ALG13: variants seen among roughly 807,000 people sequenced by gnomAD.
ALG13 encodes the protein UDP-N-acetylglucosamine transferase subunit ALG13.
A neutral mutation model predicts 87.8 loss-of-function variants in ALG13; 11 were observed. The ratio of observed to expected loss-of-function variants is 0.13; its 90% CI spans 0.08 to 0.21. The LOEUF (loss-of-function observed/expected upper bound fraction) is 0.21. Ranked by LOEUF, ALG13 falls within the 10% of genes least tolerant of loss-of-function variation. The pLI is 1.00. For missense variants in ALG13, 756 were observed against 866.1 expected (o/e 0.87, Z 1.60); for synonymous variants, 320 against 306.3 (o/e 1.04, Z -0.47).
chrX:111,727,041 A>G lies in ALG13; in HGVS notation c.1962A>G (p.Gly654=), dbSNP rs1431658779. The G allele has an allele frequency of 2.5e-6, 3 of 1,209,447 alleles. No individual in the cohort carries two copies. The highest frequency in any genetic ancestry group is 3.4e-6 in the Non-Finnish European group (3 of 894,944). ...PQHPSPRQGR[G]YGMPRNSSRF... is the part of the protein sequence containing the mutation. ...ATCCATCTCCGAGACAAGGTCGGGG[A>G]TATGGGATGCCCAGGTAAGACATTG... Residue 654 remains glycine (G), a synonymous_variant, in exon 16 of 27, where the codon GGA becomes GGG. Coordinates refer to ENST00000394780, the MANE Select transcript of ALG13 (RefSeq NM_001099922.3).
Position 111,728,170 on chromosome X carries a change from GTC to G in ALG13, c.2248-9_2248-8del, listed in dbSNP as rs746217514. ...ATAGTGAGAACTGCAGTGTGTGTGTGTCTCTCTGATACAGAATCATGGAGGTC... is the reference window on the plus strand; with the variant it reads ...ATAGTGAGAACTGCAGTGTGTGTGTGTCTCTGATACAGAATCATGGAGGTC... On this transcript the variant is annotated splice_polypyrimidine_tract_variant and intron_variant, in intron 18 of 26. Coordinates refer to ENST00000394780, the MANE Select transcript of ALG13 (RefSeq NM_001099922.3). The G allele has an allele frequency of 5.0e-6, 6 of 1,210,097 alleles. No homozygotes were observed. The highest frequency in any genetic ancestry group is 3.5e-5 in the South Asian group (2 of 56,871).
At chrX:111,712,640 C>T (rs1939970135) in intron 7 of ALG13, 110 bp downstream of exon 7, 1 of 389,765 alleles carries the variant, frequency 2.6e-6, no homozygotes, top group East Asian at 4.1e-5. Context: ...GTATTGATAC[C>T]TAGAATGAAG....
intron 3 of ALG13, among the ~76,000 whole-genome samples, chrX:111,687,006 G>A (rs955825336): frequency 8.9e-6 from 1 of 111,772 alleles, no homozygotes; most frequent in Non-Finnish European, 1.9e-5. Flanking sequence ...TGCCCAGGCT[G>A]GAGTGCAATG....
intron 25 of ALG13, among the ~76,000 whole-genome samples, chrX:111,756,171 A>G (rs1945233479): frequency 8.9e-6 from 1 of 111,983 alleles, no homozygotes; most frequent in South Asian, 3.7e-4. Flanking sequence ...ACAGAAAACC[A>G]AACACCGCAT....
At chrX:111,726,379 G>A (rs1028548770) in intron 15 of ALG13, among the ~76,000 whole-genome samples, 2 of 108,209 alleles carry the variant, frequency 1.8e-5, no homozygotes, top group African/African-American at 6.8e-5. Context: ...GATTACAGGC[G>A]CACGTTACCA....
At chrX:111,688,258 C>T in intron 3 of ALG13, 4 of 765,471 alleles carry the variant, frequency 5.2e-6, no homozygotes, top group Non-Finnish European at 6.2e-6. Flanking sequence ...CCTAGAATCT[C>T]AAGTGGAATT....
At chrX:111,687,555 T>C (rs1351591475) in intron 3 of ALG13, among the ~76,000 whole-genome samples, 2 of 112,266 alleles carry the variant, frequency 1.8e-5, no homozygotes, top group Non-Finnish European at 3.8e-5. Flanking sequence ...TCTGTTTTCA[T>C]GAATGAATTG....
Position 111,744,720 on chromosome X carries a change from C to T in ALG13, c.2748C>T (p.Ala916=). The T allele has an allele frequency of 8.6e-7, 1 of 1,160,946 alleles. No homozygotes were observed. Among genetic ancestry groups the T allele is most frequent in the African/African-American group, 1.8e-5 (1 of 55,126 alleles). ...ATTCTGCTATTCCTCATGCTGGTGC[C>T]TCTCTACCACCACCACCACCACCAC... is the stretch of plus-strand genomic sequence containing the variant. ...PCHSAIPHAG[A]SLPPPPPPPP... is the part of the protein sequence containing the mutation. Residue 916 remains alanine (A), a synonymous_variant, in exon 24 of 27, where the codon GCC becomes GCT. Coordinates refer to ENST00000394780, the MANE Select transcript of ALG13 (RefSeq NM_001099922.3).
At position 111,690,316 on chromosome X, in the gene ALG13, AAG is replaced by A. The variant is rs774290637; in HGVS notation, c.383+5218_383+5219del. On this transcript the variant is annotated intron_variant, in intron 3 of 26. Transcript: ENST00000394780. ...GAAATTTTCAGGGATAAGGAAATGA[AAG>A]AGAGTTTAGCATTGGGAAATTTGCA... The A allele has an allele frequency of 6.8e-3, 5,119 of 750,563 alleles. 15 individuals carry two copies. The highest frequency in any genetic ancestry group is 7.4e-3 in the Non-Finnish European group (4,730 of 637,257). 61.9% of individuals were successfully genotyped at this position (750,563 alleles called of 1,213,427 possible).
intron 8 of ALG13, 144 bp downstream of exon 8, chrX:111,713,441 T>C (rs1940111320): frequency 2.2e-6 from 1 of 458,650 alleles, no homozygotes. Flanking sequence ...TTTTCCTCTC[T>C]AGTCAGTTAA....
chrX:111,705,248 C>A (rs1366691974), intron 3 of ALG13, among the ~76,000 whole-genome samples: 3 of 111,756 alleles, frequency 2.7e-5, no homozygotes, highest in Non-Finnish European at 5.7e-5. Flanking sequence ...TTTTGAATAT[C>A]TTTTTATGTG....
intron 24 of ALG13, among the ~76,000 whole-genome samples, chrX:111,750,973 A>G (rs1465365855): frequency 9.1e-6 from 1 of 110,245 alleles, no homozygotes; most frequent in Non-Finnish European, 1.9e-5. Context: ...CCGGCCAGCA[A>G]TAACATATTT....
At chrX:111,688,672 C>T in intron 3 of ALG13, 1 of 751,844 alleles carries the variant, frequency 1.3e-6, no homozygotes, top group Non-Finnish European at 1.6e-6. Context: ...ATAGGACTTA[C>T]TATTGTTTTT....
chrX:111,711,744 G>T lies in ALG13; in HGVS notation c.885+19G>T. 2 of 1,185,894 alleles carry T rather than the reference G, an allele frequency of 1.7e-6. No individual in the cohort carries two copies. The highest frequency in any genetic ancestry group is 2.3e-6 in the Non-Finnish European group (2 of 877,571). On this transcript the variant is annotated intron_variant, in intron 6 of 26. Coordinates refer to ENST00000394780, the MANE Select transcript of ALG13 (RefSeq NM_001099922.3). ...TCCCAAGGTAAGATCAAATATGGGG[G>T]TTTAATCTTTTCAGAGTTATTTGGA...
rs767326994 is a variant in ALG13, at chrX:111,685,024, G to A, written c.304G>A (p.Glu102Lys). Residue 102 changes from glutamate (E) to lysine (K), a missense_variant, in exon 3 of 27, where the codon GAA (glutamate) becomes AAA (lysine). Glu to Lys is a moderately conservative substitution (Grantham distance 56). Coordinates refer to ENST00000394780, the MANE Select transcript of ALG13 (RefSeq NM_001099922.3). ...KGKPLVVVIN[E>K]KLMNNHQLEL... ...AAAGCCACTCGTAGTGGTTATAAAC[G>A]AAAAGTTGATGAACAATCATCAGCT... The A allele has an allele frequency of 3.3e-6, 4 of 1,209,058 alleles. No individual in the cohort carries two copies. Among genetic ancestry groups the A allele is most frequent in the African/African-American group, 1.7e-5 (1 of 57,196 alleles).
Position 111,735,100 on chromosome X carries a change from C to T in ALG13, c.2507C>T (p.Thr836Ile), listed in dbSNP as rs892500399. ...SCSMSPQDTV[T>I]SYNYPQKMMG... ...TCTATGTCTCCTCAGGACACAGTTA[C>T]CTCATACAACTACCCCCAGAAGGTA... is the stretch of plus-strand genomic sequence containing the variant. Residue 836 changes from threonine (T) to isoleucine (I), a missense_variant, in exon 22 of 27, where the codon ACC becomes ATC. Coordinates refer to ENST00000394780, the MANE Select transcript of ALG13 (RefSeq NM_001099922.3). 2.5e-5 allele frequency: 30 copies of T among 1,183,766 alleles called. No homozygotes were observed. The highest frequency in any genetic ancestry group is 3.3e-5 in the Non-Finnish European group (29 of 872,788).
At position 111,707,951 on chromosome X, in the gene ALG13, C is replaced by T. The variant is rs1019026785; in HGVS notation, c.384-76C>T. The T allele has an allele frequency of 3.4e-5, 35 of 1,034,967 alleles. No individual in the cohort carries two copies. In the East Asian group the frequency reaches 1.1e-3, roughly 32 times the overall value. The allele number at this position is 1,034,967 out of a possible 1,213,427, so 85.3% of individuals were successfully genotyped here. On this transcript the variant is annotated intron_variant, in intron 3 of 26. Transcript: ENST00000394780. Reference sequence around the variant, plus strand: ...AAGGAGGTAACTCTAAGTACTTTCTCCCTCCCTCCCATGTCTCCTGCTTAG... The same window carrying T: ...AAGGAGGTAACTCTAAGTACTTTCTTCCTCCCTCCCATGTCTCCTGCTTAG...
intron 3 of ALG13, among the ~76,000 whole-genome samples, chrX:111,696,233 T>G (rs1464590091): frequency 9.0e-6 from 1 of 111,725 alleles, no homozygotes; most frequent in Non-Finnish European, 1.9e-5. Context: ...TTAATATTGA[T>G]CACAAATTTG....
At chrX:111,694,051 AT>A (rs201210464) in intron 3 of ALG13, among the ~76,000 whole-genome samples, 12 of 105,301 alleles carry the variant, frequency 1.1e-4, no homozygotes, top group African/African-American at 1.7e-4. Flanking sequence ...TTATTTATTT[AT>A]TTTTTTTTTG....
Sources: gnomAD v4.1 joint callset for allele counts (sites outside exome capture counted in the v4.1 genomes callset) on GRCh38, gnomAD v4.1.1 for gene constraint, MANE v1.5 for transcripts, NCBI Gene and HGNC (gene_info 2026-07-23, HGNC 2026-07-21) for gene names.